The following TRIO variants were observed in gnomAD, a reference collection of about 807,000 sequenced individuals.
TRIO encodes the protein triple functional domain protein.
In TRIO, 58 loss-of-function variants were observed where a neutral mutation model predicts 351.9. The observed-to-expected ratio is 0.16, with a 90% CI of 0.13 to 0.21. The LOEUF (loss-of-function observed/expected upper bound fraction) is 0.21. Among genes scored for constraint, TRIO ranks in the 10% least tolerant of loss-of-function variants. The probability of loss-of-function intolerance (pLI) is 1.00; values close to 1 mark genes in which losing one functional copy is unlikely to be tolerated. For synonymous variants in TRIO, 1,758 were observed against 1,595.7 expected (o/e 1.10, Z -2.42); for missense variants, 3,201 against 4,027.8 (o/e 0.79, Z 5.56).
chr5:14,284,828 G>T (rs973183272), intron 3 of TRIO, among the ~76,000 whole-genome samples: 2 of 152,202 alleles, frequency 1.3e-5, no homozygotes, highest in African/African-American at 4.8e-5. Flanking sequence ...TGTCTTTGGT[G>T]TACGGCAGCA....
intron 8 of TRIO, among the ~76,000 whole-genome samples, chr5:14,314,093 T>C (rs1739166815): frequency 6.6e-6 from 1 of 152,186 alleles, no homozygotes; most frequent in Non-Finnish European, 1.5e-5. Flanking sequence ...AGGAATTCTT[T>C]TTAGGGTTAA....
chr5:14,339,291 G>A (rs994041624), intron 11 of TRIO, among the ~76,000 whole-genome samples: 1 of 152,184 alleles, frequency 6.6e-6, no homozygotes, highest in Non-Finnish European at 1.5e-5. Flanking sequence ...ATTGGCTTTT[G>A]TAACAGCAGT....
At chr5:14,350,942 C>T (rs759145702) in intron 11 of TRIO, among the ~76,000 whole-genome samples, 2 of 152,130 alleles carry the variant, frequency 1.3e-5, no homozygotes, top group African/African-American at 4.8e-5. Flanking sequence ...ATTCTCATCC[C>T]GTAAGGAGTG....
Position 14,485,121 on chromosome 5 carries a change from C to G in TRIO, c.6710C>G (p.Ala2237Gly). ...GTGGAAAATGATCCCTGTAAATTTG[C>G]TCTGACATCGAGGACGGGTGACGTG... ...ENVENDPCKF[A>G]LTSRTGDVVE... Residue 2237 changes from alanine (A) to glycine (G), a missense_variant, in exon 47 of 57, where the codon GCT (alanine) becomes GGT (glycine). Physicochemically the swap from Ala to Gly is moderately conservative, Grantham distance 60. Around this residue, in one of 19 missense-constraint regions of TRIO, gnomAD observed 1,089 missense variants for 954.9 expected, o/e 1.14. Transcript: ENST00000344204. 6.3e-7 allele frequency: 1 copy of G among 1,581,612 alleles called. No individual in the cohort carries two copies. The highest frequency in any genetic ancestry group is 1.1e-5 in the South Asian group (1 of 87,436).
chr5:14,375,800 C>T (rs893089429), intron 19 of TRIO, among the ~76,000 whole-genome samples: 3 of 152,148 alleles, frequency 2.0e-5, no homozygotes, highest in African/African-American at 4.8e-5. Context: ...AGAAAAAATG[C>T]GTTATCTCAT....
intron 34 of TRIO, among the ~76,000 whole-genome samples, chr5:14,459,069 C>T (rs1753580790): frequency 6.6e-6 from 1 of 152,198 alleles, no homozygotes; most frequent in South Asian, 2.1e-4. Context: ...CAGAGTTTGC[C>T]TCTGAGAAAA....
At chr5:14,437,222 C>T (rs1422176256) in intron 34 of TRIO, among the ~76,000 whole-genome samples, 1 of 152,176 alleles carries the variant, frequency 6.6e-6, no homozygotes, top group African/African-American at 2.4e-5. Flanking sequence ...CTGTGAGACT[C>T]AGCTCCACCC....
intron 1 of TRIO, among the ~76,000 whole-genome samples, chr5:14,148,977 C>T (rs1787672383): frequency 6.6e-6 from 1 of 152,224 alleles, no homozygotes; most frequent in African/African-American, 2.4e-5. Context: ...CAGTGGGCCA[C>T]TGGGAGAGGG....
chr5:14,201,532 G>C (rs1356314774), intron 1 of TRIO, among the ~76,000 whole-genome samples: 1 of 152,164 alleles, frequency 6.6e-6, no homozygotes, highest in African/African-American at 2.4e-5. Flanking sequence ...AGCATCGATT[G>C]TTAACTTTGA....
chr5:14,355,571 T>G (rs1743547055), intron 11 of TRIO, among the ~76,000 whole-genome samples: 1 of 152,236 alleles, frequency 6.6e-6, no homozygotes, highest in Non-Finnish European at 1.5e-5. Context: ...CGCCTTACTC[T>G]AAATCTTATA....
chr5:14,158,240 C>T lies in TRIO; in HGVS notation c.157+14358C>T, dbSNP rs531430503. On this transcript the variant is annotated intron_variant, in intron 1 of 56. Transcript: ENST00000344204. ...AAGAGATCGAGACCATCCTGGCCAACGTGGTGAAACCCTGTCTCTACTAAA... is the reference window on the plus strand; with the variant it reads ...AAGAGATCGAGACCATCCTGGCCAATGTGGTGAAACCCTGTCTCTACTAAA... Among the ~76,000 whole-genome samples the T allele has an allele frequency of 9.6e-4, 146 of 152,100 alleles. 2 individuals are homozygous for T. Among genetic ancestry groups the T allele is most frequent in the African/African-American group, 3.4e-3 (141 of 41,482 alleles).
intron 1 of TRIO, among the ~76,000 whole-genome samples, chr5:14,210,085 G>A (rs948181003): frequency 1.3e-5 from 2 of 152,246 alleles, no homozygotes; most frequent in Non-Finnish European, 2.9e-5. Context: ...GGCAGCGAGT[G>A]CAGGGTATGG....
chr5:14,349,661 G>A (rs751248614), intron 11 of TRIO, among the ~76,000 whole-genome samples: 7 of 152,172 alleles, frequency 4.6e-5, no homozygotes, highest in African/African-American at 7.2e-5. Flanking sequence ...TTCAACATAC[G>A]AGGTGAACTT....
At chr5:14,298,142 G>T (rs1381701281) in intron 7 of TRIO, among the ~76,000 whole-genome samples, 1 of 152,118 alleles carries the variant, frequency 6.6e-6, no homozygotes, top group Non-Finnish European at 1.5e-5. Context: ...TAGCTACATG[G>T]CATCTGACTT....
intron 49 of TRIO, among the ~76,000 whole-genome samples, chr5:14,495,657 A>AG (rs1243088812): frequency 1.7e-5 from 2 of 115,060 alleles, no homozygotes; most frequent in East Asian, 2.5e-4. Context: ...CGTCTCTACT[A>AG]GAAAAAAAAA....
chr5:14,366,780 A>G (rs748317250), intron 15 of TRIO, 80 bp from the exon 16 acceptor site: 34 of 1,593,206 alleles, frequency 2.1e-5, no homozygotes, highest in Middle Eastern at 1.7e-4. Flanking sequence ...ACTATCTTGC[A>G]CGCTTGTATC....
At chr5:14,409,402 T>C (rs1271736395) in intron 33 of TRIO, among the ~76,000 whole-genome samples, 1 of 151,902 alleles carries the variant, frequency 6.6e-6, no homozygotes, top group Admixed American at 6.6e-5. Context: ...AAGCAAATTT[T>C]ACCCTAGCAG....
At chr5:14,326,761 G>GTTTTAAATGGGAAGA (rs1740430234) in intron 9 of TRIO, among the ~76,000 whole-genome samples, 1 of 152,186 alleles carries the variant, frequency 6.6e-6, no homozygotes, top group Non-Finnish European at 1.5e-5. Flanking sequence ...ATCTTAGTAT[G>GTTTTAAATGGGAAGA]TTTTAAATGG....
chr5:14,280,453 T>C lies in TRIO; in HGVS notation c.347+17T>C, dbSNP rs747772964. On this transcript the variant is annotated intron_variant, in intron 3 of 56. Coordinates refer to ENST00000344204, the MANE Select transcript of TRIO (RefSeq NM_007118.4). ...TATTCCCAGGTAAGTTCTGTGTGGCTTGTGCTTGTCACTGATGTCACATTT... is the reference window on the plus strand; with the variant it reads ...TATTCCCAGGTAAGTTCTGTGTGGCCTGTGCTTGTCACTGATGTCACATTT... 1.2e-6 allele frequency: 2 copies of C among 1,602,822 alleles called. No homozygotes were observed. The highest frequency in any genetic ancestry group is 4.5e-5 in the East Asian group (2 of 44,818).
Sources: allele counts gnomAD v4.1 joint callset (sites outside exome capture counted in the v4.1 genomes callset), GRCh38; gene constraint gnomAD v4.1.1; regional missense constraint gnomAD v4.1.1; transcripts MANE v1.5; gene names NCBI Gene and HGNC (gene_info 2026-07-23, HGNC 2026-07-21).